FGF23: variants seen among roughly 807,000 people sequenced by gnomAD.
FGF23 encodes fibroblast growth factor 23.
Under a neutral mutation model 9.0 loss-of-function variants are expected in FGF23, and 8 were observed. The observed-to-expected ratio is 0.89, with a 90% CI of 0.52 to 1.60. The LOEUF (loss-of-function observed/expected upper bound fraction) is 1.60, where lower values mean the gene tolerates loss of function less well. Ranked by LOEUF, FGF23 falls within the 40% of genes most tolerant of loss-of-function variation. The pLI is 0.00. For missense variants in FGF23, 311 were observed against 344.3 expected, an observed-to-expected ratio of 0.90 and a Z score of 0.77; for synonymous variants, 118 against 146.2, an observed-to-expected ratio of 0.81 and a Z score of 1.39.
At chr12:4,378,529 G>T (rs1865143081) in intron 1 of FGF23, among the ~76,000 whole-genome samples, 1 of 152,158 alleles carries the variant, frequency 6.6e-6, no homozygotes. Flanking sequence ...CTAATGGATT[G>T]ATTATTGTGG....
intron 1 of FGF23, among the ~76,000 whole-genome samples, chr12:4,373,808 A>G (rs777014061): frequency 1.3e-5 from 2 of 152,220 alleles, no homozygotes; most frequent in Non-Finnish European, 2.9e-5. Flanking sequence ...CTTTGGGGCT[A>G]CTTCCAGTTG....
intron 1 of FGF23, among the ~76,000 whole-genome samples, chr12:4,378,946 A>G (rs1865147823): frequency 6.6e-6 from 1 of 152,128 alleles, no homozygotes; most frequent in Admixed American, 6.6e-5. Context: ...AGGAATCTTT[A>G]CAACCTCCCT....
chr12:4,372,258 A>G (rs1041379330), intron 2 of FGF23, among the ~76,000 whole-genome samples: 1 of 151,034 alleles, frequency 6.6e-6, no homozygotes, highest in African/African-American at 2.4e-5. Context: ...GCACACCAGC[A>G]TGGCACATGT....
At chr12:4,371,111 C>T (rs1050177820) in intron 2 of FGF23, among the ~76,000 whole-genome samples, 1 of 152,166 alleles carries the variant, frequency 6.6e-6, no homozygotes, top group Admixed American at 6.5e-5. Context: ...CCTCTGCTGG[C>T]TGAAAATTGG....
At chr12:4,370,855 G>T (rs1219856224) in intron 2 of FGF23, 72 bp from the exon 3 acceptor site, 8 of 1,301,942 alleles carry the variant, frequency 6.1e-6, no homozygotes, top group Non-Finnish European at 8.9e-6. Context: ...TCCTCCTGGG[G>T]CCACATGCTT....
At chr12:4,372,984 C>T (rs756904218) in intron 1 of FGF23, among the ~76,000 whole-genome samples, 5 of 152,234 alleles carry the variant, frequency 3.3e-5, no homozygotes, top group Admixed American at 6.5e-5. Context: ...ACATGTTTCT[C>T]TCTCTCTACC....
chr12:4,374,957 A>C (rs1315691403), intron 1 of FGF23, among the ~76,000 whole-genome samples: 1 of 152,132 alleles, frequency 6.6e-6, no homozygotes, highest in African/African-American at 2.4e-5. Context: ...ACAATATCAA[A>C]TGCTAAAATA....
chr12:4,374,606 C>T (rs1200964503), intron 1 of FGF23, among the ~76,000 whole-genome samples: 2 of 149,250 alleles, frequency 1.3e-5, no homozygotes, highest in Non-Finnish European at 1.5e-5. Flanking sequence ...GCCGAGATTG[C>T]ACCACTGCAC....
Position 4,369,002 on chromosome 12 carries a change from C to T in FGF23, c.*1341G>A, listed in dbSNP as rs756244706. On this transcript the variant is annotated 3_prime_UTR_variant, in exon 3 of 3. Coordinates refer to ENST00000237837, the MANE Select transcript of FGF23 (RefSeq NM_020638.3). The stretch of plus-strand genomic sequence containing the variant: ...CGACTTTGCTTGTTAATATACTGTC[C>T]TTTAGGTGGTCATTTAAAGAGAGGG... The T allele has an allele frequency of 8.8e-6, 2 of 226,872 alleles. No homozygotes were observed. The highest frequency in any genetic ancestry group is 2.2e-5 in the African/African-American group (1 of 44,944). 14.1% of individuals were successfully genotyped at this position (226,872 alleles called of 1,614,324 possible). A position where few individuals can be genotyped will look rare whatever the true frequency, so the allele number is the denominator to read the frequency against.
intron 1 of FGF23, among the ~76,000 whole-genome samples, chr12:4,377,764 C>T (rs2120743945): frequency 6.6e-6 from 1 of 151,588 alleles, no homozygotes. Context: ...AGGGTGTCCC[C>T]TCCATGAGAC....
At chr12:4,376,453 A>G (rs566999977) in intron 1 of FGF23, among the ~76,000 whole-genome samples, 1 of 152,350 alleles carries the variant, frequency 6.6e-6, no homozygotes, top group South Asian at 2.1e-4. Context: ...AGGTCATTAC[A>G]AATCCTTCAC....
chr12:4,372,687 C>T lies in FGF23; in HGVS notation c.222G>A (p.Met74Ile). 6.2e-7 allele frequency: 1 copy of T among 1,610,226 alleles called. No individual in the cohort carries two copies. Among genetic ancestry groups the T allele is most frequent in the African/African-American group, 1.3e-5 (1 of 74,934 alleles). The change falls in exon 2 of 3, where the codon ATG (methionine) becomes ATA (isoleucine). Residue 74 changes from methionine (M) to isoleucine (I), a missense_variant. Met to Ile is a conservative substitution (Grantham distance 10, BLOSUM62 1). Transcript: ENST00000237837. ...APHQTIYSAL[M>I]IRSEDAGFVV... ...CAAAGCCAGCATCCTCTGATCTGAT[C>T]ATCAGGGCACCTATGGAGAAAAACA...
At chr12:4,374,292 C>T (rs1011026126) in intron 1 of FGF23, among the ~76,000 whole-genome samples, 4 of 152,166 alleles carry the variant, frequency 2.6e-5, no homozygotes, top group Non-Finnish European at 4.4e-5. Flanking sequence ...TGGTGTCTGC[C>T]TATGTGTCTC....
chr12:4,377,855 T>TCCA (rs1387524538), intron 1 of FGF23, among the ~76,000 whole-genome samples: 2 of 152,172 alleles, frequency 1.3e-5, no homozygotes, highest in African/African-American at 4.8e-5. Flanking sequence ...CCTTGAAGGG[T>TCCA]TGTGTCTTAG....
At chr12:4,373,581 A>C (rs557895695) in intron 1 of FGF23, among the ~76,000 whole-genome samples, 2 of 152,242 alleles carry the variant, frequency 1.3e-5, no homozygotes, top group South Asian at 4.1e-4. Flanking sequence ...ATGGACTTTC[A>C]GTGTCCCCTC....
chr12:4,377,422 C>CT (rs11397562), intron 1 of FGF23, among the ~76,000 whole-genome samples: 31,798 of 68,694 alleles, frequency 0.46, 12,152 homozygotes, highest in East Asian at 0.56. Flanking sequence ...CACATATAGT[C>CT]TTTTTTTTTT....
chr12:4,377,045 C>A (rs956514000), intron 1 of FGF23, among the ~76,000 whole-genome samples: 4 of 152,156 alleles, frequency 2.6e-5, no homozygotes, highest in African/African-American at 9.7e-5. Flanking sequence ...AACAAAATCA[C>A]ATTTCTATTT....
At position 4,370,318 on chromosome 12, in the gene FGF23, T is replaced by C; in HGVS notation, c.*25A>G. The C allele has an allele frequency of 6.2e-7, 1 of 1,607,728 alleles. No individual in the cohort carries two copies. Among genetic ancestry groups the C allele is most frequent in the Non-Finnish European group, 8.5e-7 (1 of 1,176,604 alleles). On this transcript the variant is annotated 3_prime_UTR_variant, in exon 3 of 3. Transcript: ENST00000237837. Reference sequence around the variant, plus strand: ...GAGCTGCGTTTGCTGAGGGATGGGTTAAAGAGGGTGCCCTTCCAGCGACCC... The same window carrying C: ...GAGCTGCGTTTGCTGAGGGATGGGTCAAAGAGGGTGCCCTTCCAGCGACCC...
At chr12:4,375,637 G>T (rs13312773) in intron 1 of FGF23, among the ~76,000 whole-genome samples, 7 of 152,258 alleles carry the variant, frequency 4.6e-5, no homozygotes, top group Admixed American at 2.0e-4. Flanking sequence ...GTCTCCGTGC[G>T]TGTGACCTTG....
Sources: gnomAD v4.1 joint callset for allele counts (sites outside exome capture counted in the v4.1 genomes callset) on GRCh38, gnomAD v4.1.1 for gene constraint, MANE v1.5 for transcripts, NCBI Gene and HGNC (gene_info 2026-07-23, HGNC 2026-07-21) for gene names.